Variants in MACROD2 observed in about 807,000 individuals in gnomAD.
The protein encoded by MACROD2 is ADP-ribose glycohydrolase MACROD2.
A neutral mutation model predicts 70.4 loss-of-function variants in MACROD2; 36 were observed. That is an observed-to-expected ratio of 0.51 (90% CI 0.39 to 0.68). The LOEUF (loss-of-function observed/expected upper bound fraction) is 0.68. MACROD2 is among the 30% of genes least tolerant of loss of function. MACROD2 has a pLI of 0.00. For synonymous variants in MACROD2, 172 were observed against 178.8 expected (o/e 0.96, Z 0.30); for missense variants, 496 against 538.4 (o/e 0.92, Z 0.78).
At chr20:15,164,945 G>T (rs746652513) in intron 5 of MACROD2, among the ~76,000 whole-genome samples, 3 of 151,856 alleles carry the variant, frequency 2.0e-5, no homozygotes, top group Non-Finnish European at 2.9e-5. Flanking sequence ...GCATAAATGA[G>T]CTAGAAGGAA....
At chr20:15,344,708 C>T (rs1158937891) in intron 6 of MACROD2, among the ~76,000 whole-genome samples, 3 of 152,184 alleles carry the variant, frequency 2.0e-5, no homozygotes, top group East Asian at 1.9e-4. Flanking sequence ...GCCACCATGG[C>T]CCTGCCTTTT....
chr20:15,877,534 T>G (rs1386305165), intron 9 of MACROD2, among the ~76,000 whole-genome samples: 2 of 152,154 alleles, frequency 1.3e-5, no homozygotes, highest in Non-Finnish European at 2.9e-5. Flanking sequence ...ATTTGTTAGA[T>G]GCAGTGAGTC....
At chr20:15,520,490 G>A (rs541749332) in intron 8 of MACROD2, among the ~76,000 whole-genome samples, 104 of 152,152 alleles carry the variant, frequency 6.8e-4, no homozygotes, top group African/African-American at 2.2e-3. Context: ...CGATGCCAGC[G>A]TGACATTGAA....
chr20:15,317,253 CTGGAGGACCT>C (rs1439273191), intron 6 of MACROD2, among the ~76,000 whole-genome samples: 1 of 151,798 alleles, frequency 6.6e-6, no homozygotes, highest in East Asian at 1.9e-4. Context: ...CAGAGTAAAC[CTGGAGGACCT>C]TGACTAATTC....
At chr20:15,500,007 G>A (rs2047345479) in intron 8 of MACROD2, among the ~76,000 whole-genome samples, 160 bp downstream of exon 8, 1 of 152,124 alleles carries the variant, frequency 6.6e-6, no homozygotes, top group African/African-American at 2.4e-5. Flanking sequence ...GTAATTAAAT[G>A]TTTTTTGGTA....
intron 3 of MACROD2, among the ~76,000 whole-genome samples, chr20:14,336,565 ATCCTCTGC>A (rs2082941369): frequency 1.3e-5 from 2 of 152,162 alleles, no homozygotes; most frequent in African/African-American, 4.8e-5. Context: ...CAAAGAATGG[ATCCTCTGC>A]AAAACCCACT....
chr20:14,070,709 C>A (rs189795449), intron 2 of MACROD2, among the ~76,000 whole-genome samples: 1 of 152,118 alleles, frequency 6.6e-6, no homozygotes, highest in Non-Finnish European at 1.5e-5. Context: ...ACTGACAGCA[C>A]GCCCCTTCTG....
At chr20:15,721,849 C>A (rs1163969314) in intron 8 of MACROD2, among the ~76,000 whole-genome samples, 1 of 152,032 alleles carries the variant, frequency 6.6e-6, no homozygotes, top group Non-Finnish European at 1.5e-5. Flanking sequence ...CAATAATTAG[C>A]AAAACAGGAG....
chr20:14,724,023 C>T (rs1301223152), intron 5 of MACROD2, among the ~76,000 whole-genome samples: 2 of 152,048 alleles, frequency 1.3e-5, no homozygotes. Context: ...CTTTGCTCTC[C>T]TTACTTCTTG....
intron 7 of MACROD2, among the ~76,000 whole-genome samples, chr20:15,432,815 G>A (rs2046379542): frequency 6.6e-6 from 1 of 151,928 alleles, no homozygotes; most frequent in Admixed American, 6.6e-5. Context: ...TTACTTCTGA[G>A]AATCTTATGG....
At chr20:14,265,261 A>C (rs1244639493) in intron 3 of MACROD2, among the ~76,000 whole-genome samples, 1 of 152,196 alleles carries the variant, frequency 6.6e-6, no homozygotes, top group Non-Finnish European at 1.5e-5. Context: ...AGCATAGAAA[A>C]GAGTCCCCAG....
chr20:14,000,794 C>A, intron 1 of MACROD2, among the ~76,000 whole-genome samples: 1 of 152,174 alleles, frequency 6.6e-6, no homozygotes, highest in East Asian at 1.9e-4. Flanking sequence ...AATGCATAAT[C>A]AACTTTCAAT....
At chr20:13,997,046 G>A (rs1004602271) in intron 1 of MACROD2, among the ~76,000 whole-genome samples, 1 of 152,084 alleles carries the variant, frequency 6.6e-6, no homozygotes, top group African/African-American at 2.4e-5. Context: ...ATATAGGATC[G>A]GCTTCCACAA....
intron 5 of MACROD2, among the ~76,000 whole-genome samples, chr20:15,082,750 T>C (rs972343409): frequency 2.0e-5 from 3 of 152,134 alleles, no homozygotes; most frequent in African/African-American, 7.2e-5. Context: ...TGAATAGCAA[T>C]GCTTTGTTCA....
intron 5 of MACROD2, among the ~76,000 whole-genome samples, chr20:14,801,424 A>G (rs887279353): frequency 7.2e-5 from 11 of 152,134 alleles, no homozygotes; most frequent in African/African-American, 2.7e-4. Context: ...GACTTTGTAT[A>G]TTCATACACC....
At chr20:15,805,261 C>T (rs925421044) in intron 8 of MACROD2, among the ~76,000 whole-genome samples, 6 of 152,088 alleles carry the variant, frequency 3.9e-5, no homozygotes, top group African/African-American at 9.7e-5. Context: ...TGATGTAGAA[C>T]CACTGTAGGC....
rs917789707 is a variant in MACROD2, at chr20:15,744,265, A to G, written c.646-118480A>G. Among the ~76,000 whole-genome samples, 7 of 152,240 alleles carry G rather than the reference A, an allele frequency of 4.6e-5. No homozygotes were observed. The South Asian group carries it at 1.0e-3, about 23-fold the overall frequency. On this transcript the variant is annotated intron_variant, in intron 8 of 17. Coordinates refer to ENST00000684519, the MANE Select transcript of MACROD2 (RefSeq NM_001351661.2). Reference sequence around the variant, plus strand: ...AATGCTGAATTGATTAGTAAATAATATGATTAGTTCAAAATGCTCTTATAT... The same window carrying G: ...AATGCTGAATTGATTAGTAAATAATGTGATTAGTTCAAAATGCTCTTATAT...
Position 15,986,798 on chromosome 20 carries a change from G to A in MACROD2, c.1057G>A (p.Glu353Lys). Residue 353 changes from glutamate (E) to lysine (K), a missense_variant, in exon 14 of 18, where the codon GAA (glutamate) becomes AAA (lysine). Transcript: ENST00000684519. The part of the protein sequence containing the change: ...TESQSSYMET[E>K]ELSSNQEDAV... ...ATCGCAGAGCTCATATATGGAAACA[G>A]AAGGTACTGAAACCAAAATATATTG... is the stretch of plus-strand genomic sequence containing the variant. 11 of 1,611,228 alleles carry A rather than the reference G, an allele frequency of 6.8e-6. No homozygotes were observed. Among genetic ancestry groups the A allele is most frequent in the Non-Finnish European group, 9.3e-6 (11 of 1,177,998 alleles).
chr20:14,454,262 C>T lies in MACROD2; in HGVS notation c.272-39217C>T, dbSNP rs534768409. ...TCTGTTCATTTATCTATTAGTTTCT[C>T]AGTGGTTTTCTTATTGGTATGTATG... On this transcript the variant is annotated intron_variant, in intron 3 of 17. Coordinates refer to ENST00000684519, the MANE Select transcript of MACROD2 (RefSeq NM_001351661.2). Among the ~76,000 whole-genome samples the T allele has an allele frequency of 1.4e-3, 206 of 151,868 alleles. 2 individuals carry two copies. Among genetic ancestry groups the T allele is most frequent in the African/African-American group, 4.7e-3 (195 of 41,398 alleles).
Sources: gnomAD v4.1 joint callset for allele counts (sites outside exome capture counted in the v4.1 genomes callset) on GRCh38, gnomAD v4.1.1 for gene constraint, MANE v1.5 for transcripts, NCBI Gene and HGNC (gene_info 2026-07-23, HGNC 2026-07-21) for gene names.